The following GPR146 variants were observed in gnomAD, a reference collection of about 807,000 sequenced individuals.
GPR146 encodes the protein G-protein coupled receptor 146.
For synonymous variants in GPR146, 203 were observed against 104.3 expected (o/e 1.95, Z -5.77); for missense variants, 381 against 213.9 (o/e 1.78, Z -4.87).
intron 1 of GPR146, chr7:1,055,139 G>A (rs910423651): frequency 9.7e-6 from 4 of 411,226 alleles, no homozygotes; most frequent in Non-Finnish European, 1.5e-5. Context: ...GGTGGGACAA[G>A]AGGCCAGCTG....
rs756429034 is a variant in GPR146 at position 1,058,313 on chromosome 7, G to A, written c.798G>A (p.Val266=). 3.9e-6 allele frequency: 3 copies of A among 776,208 alleles called. No homozygotes were observed. The East Asian group carries it at 7.3e-5, about 19-fold the overall frequency. 48.1% of individuals were successfully genotyped at this position (776,208 alleles called of 1,614,324 possible). ...TCATCATCTCGCGAGGGAAGCCCGT[G>A]GACGCACACTACCTGGGGCTACTGC... ...HTVIISRGKP[V]DAHYLGLLHF... Residue 266 remains valine (V), a synonymous_variant, in exon 2 of 2, where the codon GTG becomes GTA. Coordinates refer to ENST00000444847, the MANE Select transcript of GPR146 (RefSeq NM_001303473.2).
intron 1 of GPR146, among the ~76,000 whole-genome samples, chr7:1,047,706 C>T (rs1782708701): frequency 6.6e-6 from 1 of 152,254 alleles, no homozygotes; most frequent in South Asian, 2.1e-4. Context: ...CACTCCTTTC[C>T]TGCCATCCTG....
At chr7:1,051,763 C>G (rs992348507) in intron 1 of GPR146, among the ~76,000 whole-genome samples, 1 of 152,206 alleles carries the variant, frequency 6.6e-6, no homozygotes, top group Non-Finnish European at 1.5e-5. Context: ...CACTTGAACC[C>G]AGGAGTTTGA....
Position 1,052,826 on chromosome 7 carries a change from G to T in GPR146, c.-24-4666G>T, listed in dbSNP as rs1169287361. Among the ~76,000 whole-genome samples, 2 of 152,162 alleles carry T rather than the reference G, an allele frequency of 1.3e-5. No individual in the cohort carries two copies. Among genetic ancestry groups the T allele is most frequent in the Non-Finnish European group, 2.9e-5 (2 of 68,020 alleles). On this transcript the variant is annotated intron_variant, in intron 1 of 1. Coordinates refer to ENST00000444847, the MANE Select transcript of GPR146 (RefSeq NM_001303473.2). The surrounding 1 kb of genome is among the most constrained non-coding windows in gnomAD (Gnocchi z 4.2). ...AAGAGGGACCTGCAGCATGGGGTTG[G>T]GGGGCAGGCGGCCCTTCTCTGTGGT...
rs533167931 is a variant in GPR146 at position 1,058,989 on chromosome 7, C to T, written c.*472C>T. On this transcript the variant is annotated 3_prime_UTR_variant, in exon 2 of 2. Coordinates refer to ENST00000444847, the MANE Select transcript of GPR146 (RefSeq NM_001303473.2). Reference sequence around the variant, plus strand: ...GTGGCCGGGCCCTGCCAGTGGGCGGCGTGTGCTAGCAAGGCCTGCCGGGTG... The same window carrying T: ...GTGGCCGGGCCCTGCCAGTGGGCGGTGTGTGCTAGCAAGGCCTGCCGGGTG... The T allele has an allele frequency of 7.6e-5, 14 of 185,378 alleles. No homozygotes were observed. The highest frequency in any genetic ancestry group is 2.2e-4 in the Admixed American group (4 of 18,480). 11.5% of individuals were successfully genotyped at this position (185,378 alleles called of 1,614,324 possible).
At position 1,047,862 on chromosome 7, in the gene GPR146, C is replaced by T. The variant is rs555500897; in HGVS notation, c.-25+3204C>T. Among the ~76,000 whole-genome samples the T allele has an allele frequency of 2.8e-4, 43 of 152,308 alleles. No homozygotes were observed. The South Asian group carries it at 3.9e-3, about 14-fold the overall frequency. On this transcript the variant is annotated intron_variant, in intron 1 of 1. Coordinates refer to ENST00000444847, the MANE Select transcript of GPR146 (RefSeq NM_001303473.2). ...TACTCAGTGGGGAAATTGGATCACT[C>T]GCCTTGGTGGATCACTCGCCTTGGG...
In GPR146 at chr7:1,059,040, GA is replaced by G. The variant is rs376305834; in HGVS notation, c.*525del. 4.7e-4 allele frequency: 82 copies of G among 175,714 alleles called. 1 individual carries two copies. Among genetic ancestry groups the G allele is most frequent in the African/African-American group, 1.9e-3 (81 of 41,664 alleles). The allele number at this position is 175,714 out of a possible 1,614,324, so 10.9% of individuals were successfully genotyped here. A position where few individuals can be genotyped will look rare whatever the true frequency, so the allele number is the denominator to read the frequency against. ...TGCCGCAGTCACCACAGGGTTCTGA[GA>G]ACATTTCACAGAAGTGCCTGAGACG... On this transcript the variant is annotated 3_prime_UTR_variant, in exon 2 of 2. Coordinates refer to ENST00000444847, the MANE Select transcript of GPR146 (RefSeq NM_001303473.2).
intron 1 of GPR146, among the ~76,000 whole-genome samples, chr7:1,049,846 C>T (rs1425494353): frequency 6.6e-6 from 1 of 152,202 alleles, no homozygotes; most frequent in African/African-American, 2.4e-5. Context: ...GAGAAGCCAC[C>T]AAGGTCCCGT....
rs1191162488 is a variant in GPR146 at position 1,044,597 on chromosome 7, G to T, written c.-86G>T. ...CGGCGTGCGCGCCGTGAGCCCCGCC[G>T]CCTCCGCCAGCCCGAGCTGCCCGCC... On this transcript the variant is annotated 5_prime_UTR_variant, in exon 1 of 2. Transcript: ENST00000444847. 1.3e-5 allele frequency: 2 copies of T among 150,936 alleles called. No homozygotes were observed. The highest frequency in any genetic ancestry group is 4.1e-4 in the South Asian group (2 of 4,836). The allele number at this position is 150,936 out of a possible 1,614,324, so 9.3% of individuals were successfully genotyped here.
chr7:1,054,191 G>A (rs1416892679), intron 1 of GPR146, among the ~76,000 whole-genome samples: 1 of 152,214 alleles, frequency 6.6e-6, no homozygotes, highest in African/African-American at 2.4e-5. Flanking sequence ...TAAAAGGAGG[G>A]CTCCAGGGAG....
chr7:1,058,254 A>T lies in GPR146; in HGVS notation c.739A>T (p.Thr247Ser), dbSNP rs1234088708. The T allele has an allele frequency of 2.6e-6, 2 of 769,820 alleles. No homozygotes were observed. The highest frequency in any genetic ancestry group is 3.4e-5 in the Admixed American group (2 of 58,768). The allele number at this position is 769,820 out of a possible 1,614,324, so 47.7% of individuals were successfully genotyped here. A position where few individuals can be genotyped will look rare whatever the true frequency, so the allele number is the denominator to read the frequency against. The change falls in exon 2 of 2, where the codon ACG becomes TCG. Residue 247 changes from threonine (T) to serine (S), a missense_variant. By Grantham distance (58) the Thr-to-Ser change is moderately conservative (BLOSUM62 1). Coordinates refer to ENST00000444847, the MANE Select transcript of GPR146 (RefSeq NM_001303473.2). The stretch of plus-strand genomic sequence containing the variant: ...CGTGTGCACGCAGTTTGGGCTCTGG[A>T]CGCCACACTATCTGATCCTGCTGGG... ...ATVCTQFGLW[T>S]PHYLILLGHT...
In GPR146 at chr7:1,052,423, C is replaced by T. The variant is rs144791551; in HGVS notation, c.-24-5069C>T. On this transcript the variant is annotated intron_variant, in intron 1 of 1. Transcript: ENST00000444847. The surrounding 1 kb of genome is among the most constrained non-coding windows in gnomAD (Gnocchi z 4.2). ...GTGTGGGTGGCAGGTCTTGAGGAGTCGTGGGGGAGGGTTTCGGGGGGAGAT... is the reference window on the plus strand; with the variant it reads ...GTGTGGGTGGCAGGTCTTGAGGAGTTGTGGGGGAGGGTTTCGGGGGGAGAT... Among the ~76,000 whole-genome samples, 686 of 151,146 alleles carry T rather than the reference C, an allele frequency of 4.5e-3. 12 individuals are homozygous for T. Among genetic ancestry groups the T allele is most frequent in the South Asian group, 7.2e-3 (34 of 4,742 alleles).
chr7:1,053,316 A>AG (rs1276576392), intron 1 of GPR146, among the ~76,000 whole-genome samples: 7 of 152,100 alleles, frequency 4.6e-5, no homozygotes, highest in East Asian at 3.9e-4. Context: ...ACGGCGGGGG[A>AG]GGGGCGTCCA....
chr7:1,054,872 T>C (rs11764748), intron 1 of GPR146, among the ~76,000 whole-genome samples: 24,002 of 152,234 alleles, frequency 0.16, 1,976 homozygotes, highest in Middle Eastern at 0.28. Context: ...GCTGTGCCTC[T>C]GAGGACTCCT....
chr7:1,054,459 C>T (rs559379388), intron 1 of GPR146, among the ~76,000 whole-genome samples: 3 of 152,330 alleles, frequency 2.0e-5, no homozygotes, highest in Admixed American at 2.0e-4. Flanking sequence ...TCCCAGGTCC[C>T]GGCTGGGGTG....
intron 1 of GPR146, chr7:1,045,665 G>C (rs554106471): frequency 6.6e-6 from 1 of 152,386 alleles, no homozygotes; most frequent in South Asian, 2.1e-4. Flanking sequence ...CAGTACCCAT[G>C]ACCTGCTGTG....
chr7:1,051,359 G>C (rs1290640410), intron 1 of GPR146, among the ~76,000 whole-genome samples: 2 of 152,260 alleles, frequency 1.3e-5, no homozygotes, highest in Non-Finnish European at 2.9e-5. Flanking sequence ...CCCTGAGCCA[G>C]GCCGCCGAGG....
intron 1 of GPR146, among the ~76,000 whole-genome samples, 184 bp downstream of exon 1, chr7:1,044,842 C>T (rs1782429074): frequency 6.6e-6 from 1 of 152,246 alleles, no homozygotes; most frequent in Non-Finnish European, 1.5e-5. Context: ...CCGCTGTCCT[C>T]CGGCCGCGCT....
At chr7:1,046,216 T>C (rs557256212) in intron 1 of GPR146, among the ~76,000 whole-genome samples, 2 of 148,772 alleles carry the variant, frequency 1.3e-5, no homozygotes, top group African/African-American at 5.2e-5. Flanking sequence ...GCTGCAGCTC[T>C]CACAGCCCCT....
Sources: allele counts gnomAD v4.1 joint callset (sites outside exome capture counted in the v4.1 genomes callset), GRCh38; gene constraint gnomAD v4.1.1; non-coding constraint Gnocchi (gnomAD v3.1); transcripts MANE v1.5; gene names NCBI Gene and HGNC (gene_info 2026-07-23, HGNC 2026-07-21).